The following PRKAG2 variants were observed in gnomAD, a reference collection of about 807,000 sequenced individuals.
PRKAG2 encodes protein kinase AMP-activated non-catalytic subunit gamma 2, also known as 5'-AMP-activated protein kinase subunit gamma-2.
Under a neutral mutation model 69.6 loss-of-function variants are expected in PRKAG2, and 26 were observed. That is an observed-to-expected ratio of 0.37 (90% CI 0.27 to 0.52). PRKAG2 has a LOEUF of 0.52. PRKAG2 is among the 20% of genes least tolerant of loss of function. The pLI, the probability that PRKAG2 is intolerant of heterozygous loss-of-function variation, is 0.90. For synonymous variants in PRKAG2, 293 were observed against 285.0 expected, an observed-to-expected ratio of 1.03 and a Z score of -0.28; for missense variants, 557 against 740.0, an observed-to-expected ratio of 0.75 and a Z score of 2.87.
intron 5 of PRKAG2, among the ~76,000 whole-genome samples, chr7:151,606,145 T>C (rs1394130717): frequency 6.6e-6 from 1 of 152,158 alleles, no homozygotes. Flanking sequence ...TCCACCTGCC[T>C]TGGCTTCCCA....
intron 5 of PRKAG2, among the ~76,000 whole-genome samples, chr7:151,626,357 C>T (rs1388102261): frequency 6.6e-6 from 1 of 152,140 alleles, no homozygotes; most frequent in Non-Finnish European, 1.5e-5. Context: ...GAAATGTGTA[C>T]CTAGACCCTA....
chr7:151,800,370 A>AT (rs1432714815), intron 1 of PRKAG2, among the ~76,000 whole-genome samples: 207 of 151,338 alleles, frequency 1.4e-3, no homozygotes, highest in African/African-American at 4.8e-3. Context: ...AAAAAAAAAA[A>AT]AAAAGAAAGT....
At chr7:151,693,477 G>A (rs953682795) in intron 3 of PRKAG2, among the ~76,000 whole-genome samples, 16 of 152,214 alleles carry the variant, frequency 1.1e-4, no homozygotes, top group Non-Finnish European at 2.4e-4. Context: ...CCACGAGAGG[G>A]TTCTATGCAA....
At chr7:151,573,795 C>T (rs771274537) in intron 8 of PRKAG2, among the ~76,000 whole-genome samples, 7 of 152,004 alleles carry the variant, frequency 4.6e-5, no homozygotes, top group African/African-American at 1.4e-4. Flanking sequence ...GTTTGTTTTT[C>T]GGAGACAGAG....
At chr7:151,875,790 C>T (rs2080382436) in intron 1 of PRKAG2, among the ~76,000 whole-genome samples, 1 of 152,104 alleles carries the variant, frequency 6.6e-6, no homozygotes, top group Non-Finnish European at 1.5e-5. Flanking sequence ...AAAGTGAAGC[C>T]GCAGGCAGAT....
chr7:151,598,844 A>G (rs1815277312), intron 5 of PRKAG2, among the ~76,000 whole-genome samples: 1 of 148,888 alleles, frequency 6.7e-6, no homozygotes, highest in African/African-American at 2.5e-5. Flanking sequence ...TTGACAATTT[A>G]TTTTTTTATG....
chr7:151,686,766 CAT>C (rs1834808264), intron 3 of PRKAG2, among the ~76,000 whole-genome samples: 1 of 152,220 alleles, frequency 6.6e-6, no homozygotes, highest in Admixed American at 6.5e-5. Context: ...ACTCTCAATT[CAT>C]ATTTCAATCT....
chr7:151,631,698 T>C, intron 5 of PRKAG2: 1 of 459,550 alleles, frequency 2.2e-6, no homozygotes, highest in Non-Finnish European at 4.4e-6. Context: ...GTCTGGACTG[T>C]GGGTATGATT....
chr7:151,833,830 C>A (rs1024894265), intron 1 of PRKAG2, among the ~76,000 whole-genome samples: 1 of 152,236 alleles, frequency 6.6e-6, no homozygotes, highest in Non-Finnish European at 1.5e-5. Flanking sequence ...TGTGCCTCCC[C>A]CAGATGGCGG....
intron 6 of PRKAG2, among the ~76,000 whole-genome samples, chr7:151,584,104 C>T (rs1811092236): frequency 6.6e-6 from 1 of 152,222 alleles, no homozygotes; most frequent in South Asian, 2.1e-4. Flanking sequence ...AGGCCCAGGC[C>T]TCCCTTGCCA....
chr7:151,722,416 G>A (rs1456918181), intron 3 of PRKAG2, among the ~76,000 whole-genome samples: 2 of 152,138 alleles, frequency 1.3e-5, no homozygotes, highest in African/African-American at 2.4e-5. Context: ...AGCCAAGGAT[G>A]TCTTGCCATT....
At chr7:151,563,480 T>A (rs7793517) in intron 14 of PRKAG2, among the ~76,000 whole-genome samples, 32,470 of 152,178 alleles carry the variant, frequency 0.21, 4,401 homozygotes, top group East Asian at 0.44. Flanking sequence ...TGTTAAAATA[T>A]ATATTACGCA....
At chr7:151,605,993 G>A (rs1319857933) in intron 5 of PRKAG2, among the ~76,000 whole-genome samples, 1 of 150,776 alleles carries the variant, frequency 6.6e-6, no homozygotes, top group Non-Finnish European at 1.5e-5. Flanking sequence ...GTTGCAGTGA[G>A]CTGAGATTGT....
chr7:151,694,385 C>T (rs1836236503), intron 3 of PRKAG2, among the ~76,000 whole-genome samples: 1 of 152,228 alleles, frequency 6.6e-6, no homozygotes, highest in Non-Finnish European at 1.5e-5. Context: ...GCAGCCCCCA[C>T]CACCACCATC....
intron 1 of PRKAG2, among the ~76,000 whole-genome samples, chr7:151,859,568 G>GT (rs990373479): frequency 2.0e-5 from 3 of 152,344 alleles, no homozygotes; most frequent in Admixed American, 6.5e-5. Context: ...GGCGAGGACT[G>GT]TGAGAGTGGA....
At chr7:151,713,987 G>T (rs1795736232) in intron 3 of PRKAG2, among the ~76,000 whole-genome samples, 1 of 152,088 alleles carries the variant, frequency 6.6e-6, no homozygotes, top group African/African-American at 2.4e-5. Context: ...CACAATTTGG[G>T]GGTTCAAGTC....
At chr7:151,717,793 T>G (rs1280955129) in intron 3 of PRKAG2, among the ~76,000 whole-genome samples, 2 of 151,656 alleles carry the variant, frequency 1.3e-5, no homozygotes, top group South Asian at 2.1e-4. Context: ...AATAGTGGGG[T>G]TTTTCAGCCT....
Position 151,715,724 on chromosome 7 carries a change from GA to G in PRKAG2, c.467-40088del, listed in dbSNP as rs369511173. Among the ~76,000 whole-genome samples, 243 of 152,246 alleles carry G rather than the reference GA, an allele frequency of 1.6e-3. 1 individual carries two copies. Among genetic ancestry groups the G allele is most frequent in the African/African-American group, 5.6e-3 (231 of 41,546 alleles). ...AAAGGGAGGATGGAGTGGAAGAAGA[GA>G]AAGATAGGGGGAAGGCTGAAGAATT... On this transcript the variant is annotated intron_variant, in intron 3 of 15. Coordinates refer to ENST00000287878, the MANE Select transcript of PRKAG2 (RefSeq NM_016203.4).
intron 15 of PRKAG2, chr7:151,557,813 T>A: frequency 1.3e-6 from 1 of 751,960 alleles, no homozygotes; most frequent in Non-Finnish European, 1.6e-6. Flanking sequence ...GAGGTTGCAG[T>A]GAGCCGAGAG....
Sources: allele counts gnomAD v4.1 joint callset (sites outside exome capture counted in the v4.1 genomes callset), GRCh38; gene constraint gnomAD v4.1.1; transcripts MANE v1.5; gene names NCBI Gene and HGNC (gene_info 2026-07-23, HGNC 2026-07-21).